The following PRLR variants were observed in gnomAD, a reference collection of about 807,000 sequenced individuals.
PRLR encodes the protein hPRL receptor.
Under a neutral mutation model 40.2 loss-of-function variants are expected in PRLR, and 13 were observed. The observed-to-expected ratio is 0.32, with a 90% CI of 0.21 to 0.51. The LOEUF is 0.51. Among genes scored for constraint, PRLR ranks in the 20% least tolerant of loss-of-function variants. The probability of loss-of-function intolerance (pLI) is 0.97; values close to 1 mark genes in which losing one functional copy is unlikely to be tolerated. For synonymous variants in PRLR, 269 were observed against 278.7 expected (o/e 0.97, Z 0.35); for missense variants, 656 against 747.3 (o/e 0.88, Z 1.42).
intron 1 of PRLR, among the ~76,000 whole-genome samples, chr5:35,202,081 T>C (rs1366423474): frequency 6.6e-6 from 1 of 152,214 alleles, no homozygotes; most frequent in Non-Finnish European, 1.5e-5. Context: ...TGTGTGACCT[T>C]GGACAAGTTA....
chr5:35,055,382 G>C (rs1239755558), downstream of PRLR, among the ~76,000 whole-genome samples: 2 of 152,080 alleles, frequency 1.3e-5, no homozygotes, highest in Non-Finnish European at 2.9e-5. Flanking sequence ...TAAGGCTCGA[G>C]TCTGGCAGAT....
At chr5:35,131,049 T>C (rs1773654655) in intron 1 of PRLR, among the ~76,000 whole-genome samples, 1 of 152,128 alleles carries the variant, frequency 6.6e-6, no homozygotes, top group Admixed American at 6.6e-5. Context: ...TGTCGGAAAA[T>C]ACATTTTTGT....
At chr5:35,169,294 T>C (rs1353485267) in intron 1 of PRLR, among the ~76,000 whole-genome samples, 1 of 152,166 alleles carries the variant, frequency 6.6e-6, no homozygotes, top group Non-Finnish European at 1.5e-5. Flanking sequence ...TTATGAGATA[T>C]TCAAGTTCTT....
At chr5:35,069,773 G>C (rs1769622389) in intron 7 of PRLR, among the ~76,000 whole-genome samples, 1 of 152,332 alleles carries the variant, frequency 6.6e-6, no homozygotes, top group South Asian at 2.1e-4. Flanking sequence ...CTGAGCCTTT[G>C]AGACACGGTA....
intron 1 of PRLR, among the ~76,000 whole-genome samples, chr5:35,216,641 C>T (rs915871393): frequency 6.6e-6 from 1 of 152,146 alleles, no homozygotes; most frequent in South Asian, 2.1e-4. Flanking sequence ...CAGTGTGCTG[C>T]CTTATAGTTT....
chr5:35,217,671 C>T (rs898226751), intron 1 of PRLR, among the ~76,000 whole-genome samples: 1 of 152,180 alleles, frequency 6.6e-6, no homozygotes, highest in African/African-American at 2.4e-5. Flanking sequence ...TTTATGAATG[C>T]TCTTTTATAT....
chr5:35,123,012 G>A (rs1773342036), intron 1 of PRLR, among the ~76,000 whole-genome samples: 1 of 152,170 alleles, frequency 6.6e-6, no homozygotes, highest in East Asian at 1.9e-4. Context: ...AAGGTCAGGG[G>A]TGGAGTAAAC....
At chr5:35,167,161 CTATCTATCTA>C (rs1774861310) in intron 1 of PRLR, among the ~76,000 whole-genome samples, 1 of 151,756 alleles carries the variant, frequency 6.6e-6, no homozygotes, top group Non-Finnish European at 1.5e-5. Context: ...ATCTATCTAT[CTATCTATCTA>C]TCTATCTATC....
chr5:35,157,729 A>T (rs1024290032), intron 1 of PRLR, among the ~76,000 whole-genome samples: 1 of 152,228 alleles, frequency 6.6e-6, no homozygotes, highest in Non-Finnish European at 1.5e-5. Context: ...GGAAAAAACA[A>T]ATAAATAAAA....
At chr5:35,048,801 T>A (rs976176926) in exon 9 of PRLR, 3 of 230,132 alleles carry the variant, frequency 1.3e-5, no homozygotes, top group African/African-American at 4.4e-5. Flanking sequence ...GAAGAGTACA[T>A]CTCTTCTAGG....
rs769147927 is a variant in PRLR, at chr5:35,065,463, T to C, written c.1495A>G (p.Thr499Ala). The part of the protein sequence containing the change: ...DTPWLLPQEK[T>A]PFGSAKPLDY... ...AAGGGTTTAGCGGAGCCAAAGGGGG[T>C]TTTCTCCTGGGGCAGCAGCCAGGGC... Residue 499 changes from threonine (T) to alanine (A), a missense_variant, in exon 10 of 10, where the codon ACC (threonine) becomes GCC (alanine). Physicochemically the swap from Thr to Ala is moderately conservative, Grantham distance 58. Coordinates refer to ENST00000618457, the MANE Select transcript of PRLR (RefSeq NM_000949.7). 1 of 1,613,192 alleles carries C rather than the reference T, an allele frequency of 6.2e-7. No individual in the cohort carries two copies. Among genetic ancestry groups the C allele is most frequent in the African/African-American group, 1.3e-5 (1 of 74,590 alleles).
At chr5:35,185,839 C>T (rs771898500) in intron 1 of PRLR, among the ~76,000 whole-genome samples, 1 of 152,170 alleles carries the variant, frequency 6.6e-6, no homozygotes. Context: ...GGGAGAGAGT[C>T]GTGATTGTAT....
intron 2 of PRLR, among the ~76,000 whole-genome samples, chr5:35,097,743 CT>C (rs1382856433): frequency 6.6e-6 from 1 of 152,132 alleles, no homozygotes; most frequent in Non-Finnish European, 1.5e-5. Context: ...CCGGGGAGAG[CT>C]CTTCAATAGC....
intron 1 of PRLR, among the ~76,000 whole-genome samples, chr5:35,169,961 C>A (rs561598529): frequency 6.6e-6 from 1 of 152,150 alleles, no homozygotes; most frequent in Admixed American, 6.5e-5. Context: ...ATATGAGGCT[C>A]GGTCTCTGTG....
intron 1 of PRLR, among the ~76,000 whole-genome samples, chr5:35,176,226 GGCTTTTCCA>G (rs1775144503): frequency 2.0e-5 from 3 of 151,934 alleles, no homozygotes; most frequent in Admixed American, 2.0e-4. Flanking sequence ...ATTTTTTAAA[GGCTTTTCCA>G]AAAATCAAGG....
chr5:35,168,884 T>C (rs185620381), intron 1 of PRLR, among the ~76,000 whole-genome samples: 58 of 152,288 alleles, frequency 3.8e-4, no homozygotes, highest in African/African-American at 1.3e-3. Flanking sequence ...ATTACTAATA[T>C]AGGACTTCAG....
chr5:35,135,767 C>A (rs1446909242), intron 1 of PRLR, among the ~76,000 whole-genome samples: 1 of 152,192 alleles, frequency 6.6e-6, no homozygotes, highest in Non-Finnish European at 1.5e-5. Flanking sequence ...AGTGCCCGTC[C>A]TGAGGGAGCC....
In PRLR at chr5:35,086,354, G is replaced by T. The variant is rs546155378; in HGVS notation, c.71-14C>A. The T allele has an allele frequency of 6.2e-7, 1 of 1,611,588 alleles. No individual in the cohort carries two copies. The highest frequency in any genetic ancestry group is 1.7e-5 in the Admixed American group (1 of 59,930). ...GAGGTAACTGTCCTAGAAAAAGCCA[G>T]AAGCCACTGCATCAATATTGAGGTC... On this transcript the variant is annotated splice_polypyrimidine_tract_variant and intron_variant, in intron 3 of 9. Coordinates refer to ENST00000618457, the MANE Select transcript of PRLR (RefSeq NM_000949.7).
intron 5 of PRLR, among the ~76,000 whole-genome samples, chr5:35,083,448 C>CTG (rs144426701): frequency 0.042 from 6,091 of 144,382 alleles, 133 homozygotes; most frequent in Middle Eastern, 0.062. Flanking sequence ...TCCTCTCTCT[C>CTG]TGTGTGTGTG....
Sources: gnomAD v4.1 joint callset for allele counts (sites outside exome capture counted in the v4.1 genomes callset) on GRCh38, gnomAD v4.1.1 for gene constraint, MANE v1.5 for transcripts, NCBI Gene and HGNC (gene_info 2026-07-23, HGNC 2026-07-21) for gene names.